The following DPP9 variants were observed in gnomAD, a reference collection of about 807,000 sequenced individuals.
The protein encoded by DPP9 is dipeptidyl peptidase 9.
In DPP9, 50 loss-of-function variants were observed where a neutral mutation model predicts 110.7. That is an observed-to-expected ratio of 0.45 (90% CI 0.36 to 0.57). The LOEUF (loss-of-function observed/expected upper bound fraction) is 0.57, where lower values mean the gene tolerates loss of function less well. DPP9 is among the 20% of genes least tolerant of loss of function. The pLI, the probability that DPP9 is intolerant of heterozygous loss-of-function variation, is 0.00. For missense variants in DPP9, 1,022 were observed against 1,217.9 expected, an observed-to-expected ratio of 0.84 and a Z score of 2.39; for synonymous variants, 561 against 514.4, an observed-to-expected ratio of 1.09 and a Z score of -1.23.
chr19:4,705,818 C>T (rs1359568973), intron 5 of DPP9, 40 bp downstream of exon 5: 2 of 1,602,480 alleles, frequency 1.2e-6, no homozygotes, highest in Non-Finnish European at 1.7e-6. Context: ...TTGCCACCTC[C>T]TCGCCCACGG....
chr19:4,676,216 G>A lies in DPP9; in HGVS notation c.*348C>T, dbSNP rs895203536. The A allele has an allele frequency of 7.2e-6, 2 of 276,792 alleles. No individual in the cohort carries two copies. The highest frequency in any genetic ancestry group is 1.4e-5 in the Non-Finnish European group (2 of 144,386). The allele number at this position is 276,792 out of a possible 1,614,324, so 17.1% of individuals were successfully genotyped here. A position where few individuals can be genotyped will look rare whatever the true frequency, so the allele number is the denominator to read the frequency against. The stretch of plus-strand genomic sequence containing the variant: ...GGGCCAGGGGACTGAGAGGTCACAG[G>A]GAGCCCCAGGCGGAAGGCAGCCCGC... On this transcript the variant is annotated 3_prime_UTR_variant, in exon 22 of 22. Transcript: ENST00000262960. This position sits in a 1 kb window ranked among gnomAD's most constrained non-coding sequence, Gnocchi z 4.0.
In DPP9 at chr19:4,683,574, T is replaced by C; in HGVS notation, c.2234A>G (p.Tyr745Cys). The C allele has an allele frequency of 6.2e-7, 1 of 1,613,486 alleles. No individual in the cohort carries two copies. The highest frequency in any genetic ancestry group is 8.5e-7 in the Non-Finnish European group (1 of 1,179,830). ...VEGLQFVAEK[Y>C]GFIDLSRVAI... ...AACTCGGCTCAGGTCGATGAAGCCATACTTCTCGGCCACGAACTGCAGGCC... is the reference window on the plus strand; with the variant it reads ...AACTCGGCTCAGGTCGATGAAGCCACACTTCTCGGCCACGAACTGCAGGCC... Residue 745 changes from tyrosine (Y) to cysteine (C), a missense_variant, in exon 19 of 22, where the codon TAT becomes TGT. By Grantham distance (194) the Tyr-to-Cys change is radical. This residue lies in a region of DPP9 where 209 missense variants were observed against 280.4 expected (regional missense o/e 0.75). Coordinates refer to ENST00000262960, the MANE Select transcript of DPP9 (RefSeq NM_139159.5).
intron 20 of DPP9, among the ~76,000 whole-genome samples, chr19:4,680,694 CACCTGTAA>C (rs1568298649): frequency 2.7e-5 from 4 of 149,534 alleles, no homozygotes; most frequent in Admixed American, 2.0e-4. Flanking sequence ...TGGTGGCTTA[CACCTGTAA>C]TCCCAGCACT....
chr19:4,719,941 C>G lies in DPP9; in HGVS notation c.-35G>C. On this transcript the variant is annotated splice_region_variant and 5_prime_UTR_variant, in exon 3 of 22. Coordinates refer to ENST00000262960, the MANE Select transcript of DPP9 (RefSeq NM_139159.5). ...AGCTGACCTCAGGAGGGCAGGGGTG[C>G]CTGCGGGCAAGTGGGAGGAGAGATC... 6.4e-7 allele frequency: 1 copy of G among 1,551,508 alleles called. No individual in the cohort carries two copies.
At chr19:4,683,080 C>T (rs1028023263) in intron 19 of DPP9, 81 of 1,489,602 alleles carry the variant, frequency 5.4e-5, no homozygotes, top group South Asian at 1.6e-4. Flanking sequence ...CGCAGAGGGC[C>T]GGGTCCCACT....
intron 20 of DPP9, among the ~76,000 whole-genome samples, chr19:4,681,320 AATT>A (rs2089841992): frequency 6.6e-6 from 1 of 151,782 alleles, no homozygotes; most frequent in South Asian, 2.1e-4. Flanking sequence ...CACCACAATA[AATT>A]ATTATTTTTT....
At chr19:4,712,437 C>A (rs1486277213) in intron 4 of DPP9, among the ~76,000 whole-genome samples, 1 of 152,080 alleles carries the variant, frequency 6.6e-6, no homozygotes, top group African/African-American at 2.4e-5. Flanking sequence ...ATAGTCCCAG[C>A]TACCTGGAGG....
In DPP9 at chr19:4,700,347, G is replaced by T; in HGVS notation, c.1013-70C>A. On this transcript the variant is annotated intron_variant, in intron 9 of 21. Transcript: ENST00000262960. The surrounding 1 kb of genome is among the most constrained non-coding windows in gnomAD (Gnocchi z 4.3). ...TGTGTGCCGAGAGCCGGCACGGGGG[G>T]CCTGGGCTGTGGGGTGACGTCCACA... 2 of 1,374,554 alleles carry T rather than the reference G, an allele frequency of 1.5e-6. No individual in the cohort carries two copies. The highest frequency in any genetic ancestry group is 5.1e-5 in the East Asian group (2 of 39,558). 85.1% of individuals were successfully genotyped at this position (1,374,554 alleles called of 1,614,324 possible).
In DPP9 at chr19:4,718,554, C is replaced by T. The variant is rs572776485; in HGVS notation, c.56+1297G>A. On this transcript the variant is annotated intron_variant, in intron 3 of 21. Transcript: ENST00000262960. The surrounding 1 kb of genome is among the most constrained non-coding windows in gnomAD (Gnocchi z 4.3). ...GGGGGCTGCCGGGGAAACAGCATGCCACCCTCTGTCCTACCCAAACTGCCC... is the reference window on the plus strand; with the variant it reads ...GGGGGCTGCCGGGGAAACAGCATGCTACCCTCTGTCCTACCCAAACTGCCC... Among the ~76,000 whole-genome samples the T allele has an allele frequency of 1.3e-5, 2 of 152,332 alleles. No homozygotes were observed. Among genetic ancestry groups the T allele is most frequent in the Non-Finnish European group, 2.9e-5 (2 of 68,020 alleles).
At position 4,689,726 on chromosome 19, in the gene DPP9, C is replaced by T; in HGVS notation, c.1597-4G>A. The T allele has an allele frequency of 1.3e-6, 2 of 1,543,424 alleles. No individual in the cohort carries two copies. Among genetic ancestry groups the T allele is most frequent in the Non-Finnish European group, 1.8e-6 (2 of 1,141,394 alleles). On this transcript the variant is annotated splice_region_variant and splice_polypyrimidine_tract_variant and intron_variant, in intron 14 of 21. Transcript: ENST00000262960. The surrounding 1 kb of genome is among the most constrained non-coding windows in gnomAD (Gnocchi z 7.0). ...TGGTCTCCTCATTGACCCAGATCTGCAGGGGGACAGGGGATCCTCGTGATG... is the reference window on the plus strand; with the variant it reads ...TGGTCTCCTCATTGACCCAGATCTGTAGGGGGACAGGGGATCCTCGTGATG...
rs2091741500 is a variant in DPP9, at chr19:4,695,657, G to A, written c.1176-102C>T. 1.9e-6 allele frequency: 2 copies of A among 1,068,206 alleles called. No homozygotes were observed. Among genetic ancestry groups the A allele is most frequent in the Non-Finnish European group, 2.5e-6 (2 of 787,358 alleles). 66.2% of individuals were successfully genotyped at this position (1,068,206 alleles called of 1,614,324 possible). ...AGCGTCCAAACCCGTGTGGAATCAG[G>A]GCTGGGCTTCCTGCGCTGGCTTCAC... On this transcript the variant is annotated intron_variant, in intron 11 of 21. Transcript: ENST00000262960. This position sits in a 1 kb window ranked among gnomAD's most constrained non-coding sequence, Gnocchi z 4.7.
chr19:4,717,137 G>T (rs1183995162), intron 3 of DPP9, among the ~76,000 whole-genome samples: 1 of 152,162 alleles, frequency 6.6e-6, no homozygotes, highest in Non-Finnish European at 1.5e-5. Context: ...CTCCATCCAG[G>T]CAGGGCCAGC....
chr19:4,702,544 C>T, intron 8 of DPP9, 59 bp downstream of exon 8: 1 of 1,315,906 alleles, frequency 7.6e-7, no homozygotes, highest in Non-Finnish European at 1.1e-6. Context: ...AGGACACAGC[C>T]TGTGATTCCA....
At chr19:4,716,399 A>T (rs2093074943) in intron 3 of DPP9, among the ~76,000 whole-genome samples, 1 of 152,132 alleles carries the variant, frequency 6.6e-6, no homozygotes, top group Non-Finnish European at 1.5e-5. Flanking sequence ...GCACTTCGGG[A>T]GGCCAAGGCA....
In DPP9 at chr19:4,723,714, G is replaced by C. The variant is rs2093424676; in HGVS notation, c.-129C>G. Reference sequence around the variant, plus strand: ...CGGCCGGACTGGGCAGGTCGTCCCGGGTCCAGCGGCGCCTCACGGTCGCGG... The same window carrying C: ...CGGCCGGACTGGGCAGGTCGTCCCGCGTCCAGCGGCGCCTCACGGTCGCGG... On this transcript the variant is annotated 5_prime_UTR_variant, in exon 1 of 22. Coordinates refer to ENST00000262960, the MANE Select transcript of DPP9 (RefSeq NM_139159.5). 1 of 153,862 alleles carries C rather than the reference G, an allele frequency of 6.5e-6. No homozygotes were observed. The highest frequency in any genetic ancestry group is 6.5e-5 in the Admixed American group (1 of 15,282). The allele number at this position is 153,862 out of a possible 1,614,324, so 9.5% of individuals were successfully genotyped here. A position where few individuals can be genotyped will look rare whatever the true frequency, so the allele number is the denominator to read the frequency against.
At position 4,710,206 on chromosome 19, in the gene DPP9, G is replaced by A. The variant is rs1182643915; in HGVS notation, c.313+3875C>T. 8.5e-5 allele frequency among the ~76,000 whole-genome samples: 13 copies of A among 152,210 alleles called. No individual in the cohort carries two copies. The highest frequency in any genetic ancestry group is 2.7e-4 in the African/African-American group (11 of 41,440). On this transcript the variant is annotated intron_variant, in intron 4 of 21. Coordinates refer to ENST00000262960, the MANE Select transcript of DPP9 (RefSeq NM_139159.5). This position sits in a 1 kb window ranked among gnomAD's most constrained non-coding sequence, Gnocchi z 5.6. Reference sequence around the variant, plus strand: ...CAAACACCATTTCCCGTCACTGCACGCTGTGGCCTCGAGTGGCTGGCCTGG... The same window carrying A: ...CAAACACCATTTCCCGTCACTGCACACTGTGGCCTCGAGTGGCTGGCCTGG...
At chr19:4,686,231 G>A (rs986576081) in intron 16 of DPP9, among the ~76,000 whole-genome samples, 4 of 151,870 alleles carry the variant, frequency 2.6e-5, no homozygotes, top group African/African-American at 9.7e-5. Flanking sequence ...TAGGATTATA[G>A]GTGCACGGCA....
At chr19:4,688,485 T>G in intron 16 of DPP9, 2 of 372,510 alleles carry the variant, frequency 5.4e-6, no homozygotes, top group Non-Finnish European at 9.5e-6. Context: ...CTGGTTACCA[T>G]TTTGGCAGGG....
Position 4,682,093 on chromosome 19 carries a change from C to T in DPP9, c.2474+603G>A, listed in dbSNP as rs1330410019. ...TCAATCTCCTGACCTCACGATCCGC[C>T]CGCCTCAGCCTCCCAGAGTGCTGGG... On this transcript the variant is annotated intron_variant, in intron 20 of 21. Coordinates refer to ENST00000262960, the MANE Select transcript of DPP9 (RefSeq NM_139159.5). The surrounding 1 kb of genome is among the most constrained non-coding windows in gnomAD (Gnocchi z 7.1). Among the ~76,000 whole-genome samples, 1 of 152,068 alleles carries T rather than the reference C, an allele frequency of 6.6e-6. No homozygotes were observed. Among genetic ancestry groups the T allele is most frequent in the Non-Finnish European group, 1.5e-5 (1 of 68,002 alleles).
Sources: allele counts gnomAD v4.1 joint callset (sites outside exome capture counted in the v4.1 genomes callset), GRCh38; gene constraint gnomAD v4.1.1; regional missense constraint gnomAD v4.1.1; non-coding constraint Gnocchi (gnomAD v3.1); transcripts MANE v1.5; gene names NCBI Gene and HGNC (gene_info 2026-07-23, HGNC 2026-07-21).